The following LGR5 variants were observed in gnomAD, a reference collection of about 807,000 sequenced individuals.
LGR5 encodes leucine-rich repeat-containing G protein-coupled receptor 5.
LGR5 carries 54 observed loss-of-function variants against 76.7 expected under a neutral mutation model. The ratio of observed to expected loss-of-function variants is 0.70; its 90% CI spans 0.57 to 0.88. LGR5 has a LOEUF of 0.88. Among genes scored for constraint, LGR5 ranks in the 40% least tolerant of loss-of-function variants. LGR5 has a pLI of 0.00. For missense variants in LGR5, 1,078 were observed against 1,073.3 expected (o/e 1.00, Z -0.06); for synonymous variants, 406 against 421.9 (o/e 0.96, Z 0.46).
intron 3 of LGR5, among the ~76,000 whole-genome samples, chr12:71,528,210 C>A (rs1032802660): frequency 9.2e-5 from 14 of 152,138 alleles, no homozygotes; most frequent in African/African-American, 3.4e-4. Flanking sequence ...ATAATCCTAG[C>A]ACTTTGGGAG....
At position 71,583,995 on chromosome 12, in the gene LGR5, G is replaced by C. The variant is rs61737423; in HGVS notation, c.1985G>C (p.Arg662Pro). 3 of 1,614,044 alleles carry C rather than the reference G, an allele frequency of 1.9e-6. No individual in the cohort carries two copies. The highest frequency in any genetic ancestry group is 2.5e-6 in the Non-Finnish European group (3 of 1,180,050). Residue 662 changes from arginine (R) to proline (P), a missense_variant, in exon 18 of 18, where the codon CGT (arginine) becomes CCT (proline). Transcript: ENST00000266674. ...VFLLTLAALE[R>P]GFSVKYSAKF... ...CTGCTTACTCTGGCAGCCCTGGAGC[G>C]TGGGTTCTCTGTGAAATATTCTGCA...
chr12:71,529,984 A>G (rs918595894), intron 3 of LGR5, among the ~76,000 whole-genome samples: 2 of 151,830 alleles, frequency 1.3e-5, no homozygotes, highest in Non-Finnish European at 2.9e-5. Context: ...GTAGAAGCAA[A>G]CATCTGATTC....
chr12:71,556,831 T>C, intron 6 of LGR5, 141 bp downstream of exon 6: 1 of 672,730 alleles, frequency 1.5e-6, no homozygotes, highest in Non-Finnish European at 2.7e-6. Flanking sequence ...GGCATTATCT[T>C]ACACACACAA....
intron 7 of LGR5, 66 bp from the exon 8 acceptor site, chr12:71,561,715 G>T (rs1878065635): frequency 2.3e-6 from 2 of 857,374 alleles, no homozygotes; most frequent in Non-Finnish European, 3.7e-6. Flanking sequence ...TGTGGTCAGG[G>T]TGGGGGCCTC....
chr12:71,571,606 T>G (rs1292627218), intron 12 of LGR5, 27 bp downstream of exon 12: 1 of 1,542,044 alleles, frequency 6.5e-7, no homozygotes, highest in East Asian at 2.2e-5. Flanking sequence ...CTAAGTCACC[T>G]AGCAAAAATC....
chr12:71,554,416 C>A (rs561866235), intron 5 of LGR5, among the ~76,000 whole-genome samples: 2 of 152,116 alleles, frequency 1.3e-5, no homozygotes, highest in Non-Finnish European at 2.9e-5. Context: ...TTTACAATAG[C>A]GATGTTATCT....
intron 4 of LGR5, among the ~76,000 whole-genome samples, chr12:71,540,647 A>G (rs2137379869): frequency 6.6e-6 from 1 of 152,236 alleles, no homozygotes; most frequent in South Asian, 2.1e-4. Flanking sequence ...AGTGAGAGGA[A>G]TGGGTGAGGA....
intron 1 of LGR5, among the ~76,000 whole-genome samples, chr12:71,503,883 TA>T (rs1874722971): frequency 6.6e-6 from 1 of 151,884 alleles, no homozygotes; most frequent in South Asian, 2.1e-4. Context: ...AGTAAAGAAA[TA>T]GGGGGGAAAA....
chr12:71,559,692 C>G, intron 7 of LGR5, 38 bp downstream of exon 7: 2 of 1,078,284 alleles, frequency 1.9e-6, no homozygotes, highest in Non-Finnish European at 2.8e-6. Context: ...AGAACTTTAT[C>G]CTTTTGTGAA....
intron 2 of LGR5, among the ~76,000 whole-genome samples, chr12:71,509,344 C>G (rs917671779): frequency 6.6e-6 from 1 of 152,168 alleles, no homozygotes; most frequent in Non-Finnish European, 1.5e-5. Context: ...TTTTAACCCC[C>G]TCTTTTCTTT....
intron 1 of LGR5, among the ~76,000 whole-genome samples, chr12:71,466,182 T>C (rs903691921): frequency 8.5e-5 from 13 of 152,252 alleles, no homozygotes; most frequent in Admixed American, 8.5e-4. Flanking sequence ...TTTTTGTTTG[T>C]ATTTTTAGAA....
chr12:71,484,762 A>G (rs1339902248), intron 1 of LGR5, among the ~76,000 whole-genome samples: 2 of 152,234 alleles, frequency 1.3e-5, no homozygotes, highest in Non-Finnish European at 2.9e-5. Context: ...ACAAATAACT[A>G]CATCTACATC....
At chr12:71,509,982 G>A (rs1592501244) in intron 2 of LGR5, among the ~76,000 whole-genome samples, 1 of 152,188 alleles carries the variant, frequency 6.6e-6, no homozygotes, top group South Asian at 2.1e-4. Flanking sequence ...GCATAATCTA[G>A]GCTTGTTACT....
chr12:71,558,401 T>A (rs1389384145), intron 6 of LGR5, among the ~76,000 whole-genome samples: 1 of 152,282 alleles, frequency 6.6e-6, no homozygotes, highest in East Asian at 1.9e-4. Flanking sequence ...TCTTATTGTC[T>A]CCCCTTCCTC....
At chr12:71,582,628 G>C in intron 17 of LGR5, 89 bp downstream of exon 17, 1 of 976,128 alleles carries the variant, frequency 1.0e-6, no homozygotes, top group East Asian at 2.4e-5. Context: ...TTTAAAAGCC[G>C]AATCTGTGCC....
chr12:71,492,072 G>T (rs1874099543), intron 1 of LGR5, among the ~76,000 whole-genome samples: 1 of 152,042 alleles, frequency 6.6e-6, no homozygotes, highest in Non-Finnish European at 1.5e-5. Context: ...GGCTTAGAAT[G>T]GTCTAGTTGG....
intron 11 of LGR5, among the ~76,000 whole-genome samples, chr12:71,570,551 T>C (rs11178857): frequency 0.024 from 3,677 of 152,294 alleles, 77 homozygotes; most frequent in African/African-American, 0.062. Flanking sequence ...ACCATATTAA[T>C]AATCAGGTAT....
chr12:71,550,359 T>C (rs1379929437), intron 4 of LGR5, among the ~76,000 whole-genome samples: 3 of 151,486 alleles, frequency 2.0e-5, no homozygotes, highest in Admixed American at 6.6e-5. Flanking sequence ...CCGTGTTGGC[T>C]GGGCTGGTCT....
intron 11 of LGR5, chr12:71,567,316 G>C (rs10879296): frequency 0.042 from 8,551 of 204,676 alleles, 395 homozygotes; most frequent in African/African-American, 0.13. Flanking sequence ...CTTGATAAAG[G>C]TGATCAAACA....
Sources: gnomAD v4.1 joint callset for allele counts (sites outside exome capture counted in the v4.1 genomes callset) on GRCh38, gnomAD v4.1.1 for gene constraint, MANE v1.5 for transcripts, NCBI Gene and HGNC (gene_info 2026-07-23, HGNC 2026-07-21) for gene names.